Variants in RAD23B observed in about 807,000 individuals in gnomAD.
RAD23B encodes lysine-specific demethylase RAD23B.
Under a neutral mutation model 49.1 loss-of-function variants are expected in RAD23B, and 5 were observed. The observed-to-expected ratio is 0.10, with a 90% confidence interval of 0.05 to 0.21. The LOEUF (loss-of-function observed/expected upper bound fraction) is 0.21. Ranked by LOEUF, RAD23B falls within the 10% of genes least tolerant of loss-of-function variation. RAD23B has a pLI of 1.00. For synonymous variants in RAD23B, 184 were observed against 165.4 expected (o/e 1.11, Z -0.86); for missense variants, 356 against 486.7 (o/e 0.73, Z 2.53).
At chr9:107,311,774 G>T in intron 5 of RAD23B, 37 bp downstream of exon 5, 1 of 1,469,838 alleles carries the variant, frequency 6.8e-7, no homozygotes, top group Non-Finnish European at 9.2e-7. Flanking sequence ...AACCTATAAA[G>T]AGATAGGAAA....
At position 107,303,100 on chromosome 9, in the gene RAD23B, T is replaced by C. The variant is rs116615791; in HGVS notation, c.228+986T>C. Reference sequence around the variant, plus strand: ...TTATATACTTGTTTATTTAAAGATATATAATGCAGTGTAGAATTAAGAGAC... The same window carrying C: ...TTATATACTTGTTTATTTAAAGATACATAATGCAGTGTAGAATTAAGAGAC... On this transcript the variant is annotated intron_variant, in intron 3 of 9. Coordinates refer to ENST00000358015, the MANE Select transcript of RAD23B (RefSeq NM_002874.5). 3.5e-3 allele frequency among the ~76,000 whole-genome samples: 528 copies of C among 152,334 alleles called. 3 individuals carry two copies. The highest frequency in any genetic ancestry group is 0.012 in the African/African-American group (511 of 41,576).
chr9:107,312,190 T>G (rs1300413781), intron 5 of RAD23B, among the ~76,000 whole-genome samples: 1 of 152,238 alleles, frequency 6.6e-6, no homozygotes, highest in Non-Finnish European at 1.5e-5. Flanking sequence ...TGCCTTTTTA[T>G]CCCAACTTTT....
intron 4 of RAD23B, among the ~76,000 whole-genome samples, chr9:107,309,654 G>A (rs146892212): frequency 0.017 from 2,621 of 152,226 alleles, 77 homozygotes; most frequent in African/African-American, 0.06. Context: ...TGTGTGGGCC[G>A]GGCGTGGTGG....
At chr9:107,297,426 G>T (rs1031626923) in intron 1 of RAD23B, among the ~76,000 whole-genome samples, 2 of 151,850 alleles carry the variant, frequency 1.3e-5, no homozygotes, top group Non-Finnish European at 2.9e-5. Context: ...TGCAACCTCT[G>T]CCTCCTGGGA....
At chr9:107,308,050 A>G (rs1361661718) in intron 4 of RAD23B, among the ~76,000 whole-genome samples, 1 of 152,172 alleles carries the variant, frequency 6.6e-6, no homozygotes, top group East Asian at 1.9e-4. Flanking sequence ...AAGCACTTAA[A>G]TATTACAAAC....
intron 9 of RAD23B, among the ~76,000 whole-genome samples, chr9:107,326,813 T>A (rs959940052): frequency 6.6e-6 from 1 of 151,350 alleles, no homozygotes; most frequent in Non-Finnish European, 1.5e-5. Context: ...TTGTTTTGTA[T>A]TTTTTTAGTA....
Position 107,283,578 on chromosome 9 carries a change from C to G in RAD23B, c.-52C>G. ...GGCCCCGCCAGGCCACAGACCCCGC[C>G]CAGCGGCCAGCACCCGGCGCAGGCC... On this transcript the variant is annotated 5_prime_UTR_variant, in exon 1 of 10. Transcript: ENST00000358015. 7.0e-7 allele frequency: 1 copy of G among 1,431,122 alleles called. No homozygotes were observed. The highest frequency in any genetic ancestry group is 2.5e-5 in the Admixed American group (1 of 39,316). The allele number at this position is 1,431,122 out of a possible 1,614,324, so 88.7% of individuals were successfully genotyped here. A position where few individuals can be genotyped will look rare whatever the true frequency, so the allele number is the denominator to read the frequency against.
At position 107,306,415 on chromosome 9, in the gene RAD23B, C is replaced by G; in HGVS notation, c.265C>G (p.Gln89Glu). The G allele has an allele frequency of 6.2e-7, 1 of 1,614,150 alleles. No individual in the cohort carries two copies. The highest frequency in any genetic ancestry group is 1.1e-5 in the South Asian group (1 of 91,078). ...GTCCACACCAGCACCAGCTACAACTCAGCAGTCAGCTCCTGCCAGCACTAC... is the reference window on the plus strand; with the variant it reads ...GTCCACACCAGCACCAGCTACAACTGAGCAGTCAGCTCCTGCCAGCACTAC... ...AVSTPAPATT[Q>E]QSAPASTTAV... Residue 89 changes from glutamine to glutamate, a missense_variant, in exon 4 of 10, where the codon CAG becomes GAG. By Grantham distance (29) the Gln-to-Glu change is conservative. Transcript: ENST00000358015.
chr9:107,320,265 A>G (rs529804853), intron 6 of RAD23B, among the ~76,000 whole-genome samples: 2 of 152,356 alleles, frequency 1.3e-5, no homozygotes, highest in African/African-American at 4.8e-5. Context: ...GAATTGTGGA[A>G]TTAATAATTG....
intron 5 of RAD23B, among the ~76,000 whole-genome samples, chr9:107,317,487 A>G (rs1487144304): frequency 6.6e-6 from 1 of 152,108 alleles, no homozygotes; most frequent in African/African-American, 2.4e-5. Flanking sequence ...CACATGTTCA[A>G]TAGCTATGGC....
intron 5 of RAD23B, among the ~76,000 whole-genome samples, chr9:107,314,069 C>A (rs936986987): frequency 2.6e-5 from 4 of 152,088 alleles, no homozygotes; most frequent in Non-Finnish European, 4.4e-5. Flanking sequence ...TTCACTTGTA[C>A]TCTTGCATTA....
At chr9:107,316,967 T>C (rs1383170947) in intron 5 of RAD23B, among the ~76,000 whole-genome samples, 1 of 152,090 alleles carries the variant, frequency 6.6e-6, no homozygotes, top group African/African-American at 2.4e-5. Flanking sequence ...GCTGGTGTTG[T>C]GTAAAGGCCC....
Position 107,306,517 on chromosome 9 carries a change from C to T in RAD23B, c.367C>T (p.Pro123Ser). The T allele has an allele frequency of 6.2e-7, 1 of 1,614,164 alleles. No homozygotes were observed. Among genetic ancestry groups the T allele is most frequent in the Admixed American group, 1.7e-5 (1 of 60,018 alleles). Residue 123 changes from proline to serine, a missense_variant, in exon 4 of 10, where the codon CCT (proline) becomes TCT (serine). Transcript: ENST00000358015. ...CCCTGCCTTGGCCCCCACTTCCACA[C>T]CTGCATCCATCACTCCAGCATCAGC... Reference protein sequence around the residue: ...PVPALAPTSTPASITPASATA... With the variant: ...PVPALAPTSTSASITPASATA...
intron 2 of RAD23B, 41 bp downstream of exon 2, chr9:107,300,263 A>G: frequency 1.3e-6 from 2 of 1,571,188 alleles, no homozygotes; most frequent in Non-Finnish European, 1.7e-6. Context: ...ATGTCTTGAT[A>G]TTCTTTTAGT....
At chr9:107,328,766 C>A (rs1008052603) in intron 9 of RAD23B, among the ~76,000 whole-genome samples, 3 of 152,120 alleles carry the variant, frequency 2.0e-5, no homozygotes, top group African/African-American at 7.2e-5. Context: ...GGGTTTGGGA[C>A]CTGTGATCTA....
intron 4 of RAD23B, among the ~76,000 whole-genome samples, chr9:107,308,251 C>T (rs1826821961): frequency 7.0e-6 from 1 of 143,742 alleles, no homozygotes; most frequent in African/African-American, 2.6e-5. Flanking sequence ...CAGAGTCTTG[C>T]TCTGCCACCC....
intron 4 of RAD23B, among the ~76,000 whole-genome samples, chr9:107,308,389 T>C (rs964344152): frequency 1.3e-5 from 2 of 151,996 alleles, no homozygotes; most frequent in South Asian, 2.1e-4. Context: ...CAGCTTATTT[T>C]TGTATTTTTA....
At chr9:107,298,814 T>C (rs921636229) in intron 1 of RAD23B, among the ~76,000 whole-genome samples, 2 of 150,862 alleles carry the variant, frequency 1.3e-5, no homozygotes, top group African/African-American at 4.9e-5. Context: ...CTGTTTTACT[T>C]TTTTTTTTGC....
chr9:107,284,868 T>C (rs775213412), intron 1 of RAD23B: 2 of 1,248,156 alleles, frequency 1.6e-6, no homozygotes, highest in Non-Finnish European at 2.1e-6. Flanking sequence ...TCATTCTCTG[T>C]ATAATAGGGA....
Sources: gnomAD v4.1 joint callset for allele counts (sites outside exome capture counted in the v4.1 genomes callset) on GRCh38, gnomAD v4.1.1 for gene constraint, MANE v1.5 for transcripts, NCBI Gene and HGNC (gene_info 2026-07-23, HGNC 2026-07-21) for gene names.